AFF3: variants seen among roughly 807,000 people sequenced by gnomAD.
AFF3 encodes AF4/FMR2 family member 3.
In AFF3, 32 loss-of-function variants were observed where a neutral mutation model predicts 129.7. That is an observed-to-expected ratio of 0.25 (90% CI 0.19 to 0.33). The LOEUF is 0.33. Ranked by LOEUF, AFF3 falls within the 10% of genes least tolerant of loss-of-function variation. The probability of loss-of-function intolerance (pLI) is 1.00; values close to 1 mark genes in which losing one functional copy is unlikely to be tolerated. For missense variants in AFF3, 1,373 were observed against 1,592.0 expected, an observed-to-expected ratio of 0.86 and a Z score of 2.34; for synonymous variants, 644 against 635.4, an observed-to-expected ratio of 1.01 and a Z score of -0.20.
intron 2 of AFF3, among the ~76,000 whole-genome samples, chr2:100,125,429 C>T (rs547233961): frequency 2.6e-5 from 4 of 152,218 alleles, no homozygotes; most frequent in South Asian, 2.1e-4. Flanking sequence ...TGGAAACAAG[C>T]TCGCAGAGTG....
intron 8 of AFF3, among the ~76,000 whole-genome samples, chr2:99,768,241 CA>C (rs77240287): frequency 0.03 from 4,484 of 151,576 alleles, 82 homozygotes; most frequent in Non-Finnish European, 0.04. Context: ...TTAAACATTG[CA>C]AAAAAAATAG....
At chr2:100,059,532 T>G (rs894354407) in intron 4 of AFF3, among the ~76,000 whole-genome samples, 1 of 152,156 alleles carries the variant, frequency 6.6e-6, no homozygotes, top group Admixed American at 6.5e-5. Flanking sequence ...AAAGATATTC[T>G]AAAATTATGG....
Position 99,890,323 on chromosome 2 carries a change from C to T in AFF3, c.874-52799G>A, listed in dbSNP as rs148783863. ...CACACAGGCTCTGTCATTAGGTGTACGTTCTGGGTTCTCATGCCTAGCTCT... is the reference window on the plus strand; with the variant it reads ...CACACAGGCTCTGTCATTAGGTGTATGTTCTGGGTTCTCATGCCTAGCTCT... On this transcript the variant is annotated intron_variant, in intron 7 of 24. Transcript: ENST00000672756. Among the ~76,000 whole-genome samples the T allele has an allele frequency of 5.7e-3, 867 of 152,276 alleles. 6 individuals carry two copies. The highest frequency in any genetic ancestry group is 1.0e-2 in the Non-Finnish European group (678 of 68,016).
chr2:99,832,489 G>C (rs1264169806), intron 8 of AFF3, among the ~76,000 whole-genome samples: 1 of 152,208 alleles, frequency 6.6e-6, no homozygotes, highest in Non-Finnish European at 1.5e-5. Context: ...CTGCAACATA[G>C]TGGCAAGCTG....
chr2:99,940,174 C>G (rs958788353), intron 7 of AFF3, among the ~76,000 whole-genome samples: 1 of 152,230 alleles, frequency 6.6e-6, no homozygotes, highest in Non-Finnish European at 1.5e-5. Context: ...TCTATGTATG[C>G]TGGTACACTT....
chr2:99,991,859 C>G (rs548982706), intron 7 of AFF3, among the ~76,000 whole-genome samples: 1 of 151,372 alleles, frequency 6.6e-6, no homozygotes, highest in Non-Finnish European at 1.5e-5. Flanking sequence ...GCCGAGATTG[C>G]GACACTGCAC....
At chr2:99,790,694 TC>T (rs553432679) in intron 8 of AFF3, among the ~76,000 whole-genome samples, 38 of 151,778 alleles carry the variant, frequency 2.5e-4, no homozygotes, top group Non-Finnish European at 4.7e-4. Flanking sequence ...CATAGGAGAG[TC>T]CCACAACCAA....
rs1255659150 is a variant in AFF3, at chr2:99,549,967, G to C, written c.*1507C>G. 1 of 226,804 alleles carries C rather than the reference G, an allele frequency of 4.4e-6. No individual in the cohort carries two copies. The highest frequency in any genetic ancestry group is 8.8e-6 in the Non-Finnish European group (1 of 114,238). 14.0% of individuals were successfully genotyped at this position (226,804 alleles called of 1,614,324 possible). ...CGCCTGCCTTTCTCAGACCGTCCTG[G>C]TGCAACTTTATCAAGTAAGAGGCCA... On this transcript the variant is annotated 3_prime_UTR_variant, in exon 25 of 25. Coordinates refer to ENST00000672756, the MANE Select transcript of AFF3 (RefSeq NM_001386135.1).
At chr2:99,654,293 A>G (rs1329752548) in intron 12 of AFF3, among the ~76,000 whole-genome samples, 1 of 152,246 alleles carries the variant, frequency 6.6e-6, no homozygotes, top group Non-Finnish European at 1.5e-5. Context: ...AGAGGAGTAT[A>G]TGTCAGATGT....
intron 23 of AFF3, 24 bp from the exon 24 acceptor site, chr2:99,554,558 C>G: frequency 1.9e-6 from 3 of 1,609,520 alleles, no homozygotes; most frequent in African/African-American, 1.3e-5. Flanking sequence ...GGTAGAAAAA[C>G]CAGAGTGGCG....
intron 7 of AFF3, among the ~76,000 whole-genome samples, chr2:99,907,967 A>G (rs563051500): frequency 1.3e-5 from 2 of 152,280 alleles, no homozygotes; most frequent in East Asian, 3.9e-4. Flanking sequence ...GTACTGGCCT[A>G]TGACCATGGG....
At chr2:100,107,176 C>A (rs1262981487) in intron 2 of AFF3, 1 of 985,232 alleles carries the variant, frequency 1.0e-6, no homozygotes, top group Non-Finnish European at 1.2e-6. Context: ...TTGAGGAAAC[C>A]CAAATAGTAG....
chr2:99,713,426 G>A (rs1207939059), intron 11 of AFF3, among the ~76,000 whole-genome samples: 13 of 151,608 alleles, frequency 8.6e-5, no homozygotes, highest in East Asian at 1.9e-4. Context: ...GTGCCACCAC[G>A]CTCAGCTAAT....
intron 7 of AFF3, among the ~76,000 whole-genome samples, chr2:100,005,728 T>A (rs1413648811): frequency 6.6e-6 from 1 of 152,192 alleles, no homozygotes; most frequent in South Asian, 2.1e-4. Context: ...TATGTTGATA[T>A]CCCTATCAGT....
chr2:99,714,286 T>G (rs1159562797), intron 11 of AFF3, among the ~76,000 whole-genome samples: 1 of 152,170 alleles, frequency 6.6e-6, no homozygotes, highest in African/African-American at 2.4e-5. Flanking sequence ...TGGTCAGTCT[T>G]CCTTCCTTAT....
intron 8 of AFF3, among the ~76,000 whole-genome samples, chr2:99,827,460 T>A (rs1212149581): frequency 6.6e-6 from 1 of 151,994 alleles, no homozygotes; most frequent in Non-Finnish European, 1.5e-5. Flanking sequence ...GGGGAAATGC[T>A]CTCTGTACTT....
At chr2:99,623,274 T>C (rs191999233) in intron 13 of AFF3, among the ~76,000 whole-genome samples, 15 of 151,558 alleles carry the variant, frequency 9.9e-5, no homozygotes, top group African/African-American at 2.2e-4. Flanking sequence ...AAAATGCAAA[T>C]GAGAGCCCCT....
intron 8 of AFF3, among the ~76,000 whole-genome samples, chr2:99,801,792 G>A (rs1054177621): frequency 6.6e-6 from 1 of 152,136 alleles, no homozygotes; most frequent in Admixed American, 6.5e-5. Flanking sequence ...AAATTCTATA[G>A]CATGAGTTAC....
chr2:99,834,788 C>T (rs867745210), intron 8 of AFF3, among the ~76,000 whole-genome samples: 15 of 152,166 alleles, frequency 9.9e-5, no homozygotes, highest in Admixed American at 2.6e-4. Context: ...CACTTGCCAG[C>T]GGCTATTCCT....
Sources: allele counts gnomAD v4.1 joint callset (sites outside exome capture counted in the v4.1 genomes callset), GRCh38; gene constraint gnomAD v4.1.1; transcripts MANE v1.5; gene names NCBI Gene and HGNC (gene_info 2026-07-23, HGNC 2026-07-21).